STAC3: variants seen among roughly 807,000 people sequenced by gnomAD.
The protein encoded by STAC3 is SH3 and cysteine rich domain 3.
A neutral mutation model predicts 48.5 loss-of-function variants in STAC3; 30 were observed. The observed-to-expected ratio is 0.62, with a 90% CI of 0.46 to 0.84. STAC3 has a LOEUF of 0.84. Among genes scored for constraint, STAC3 ranks in the 40% least tolerant of loss-of-function variants. STAC3 has a pLI of 0.00. For missense variants in STAC3, 419 were observed against 462.6 expected, an observed-to-expected ratio of 0.91 and a Z score of 0.86; for synonymous variants, 144 against 158.6, an observed-to-expected ratio of 0.91 and a Z score of 0.69.
chr12:57,248,851 C>T (rs1490537314), intron 3 of STAC3, 48 bp from the exon 4 acceptor site: 4 of 1,556,586 alleles, frequency 2.6e-6, no homozygotes, highest in South Asian at 1.1e-5. Context: ...ATTGCCCTTT[C>T]CCTTTGTACC....
At position 57,246,860 on chromosome 12, in the gene STAC3, T is replaced by A; in HGVS notation, c.547A>T (p.Thr183Ser). 7 of 1,613,940 alleles carry A rather than the reference T, an allele frequency of 4.3e-6. No homozygotes were observed. The highest frequency in any genetic ancestry group is 5.9e-6 in the Non-Finnish European group (7 of 1,179,900). The change falls in exon 6 of 12, where the codon ACT (threonine) becomes TCT (serine). Residue 183 changes from threonine to serine, a missense_variant. Thr to Ser is a moderately conservative substitution (Grantham distance 58). Transcript: ENST00000332782. ...RNDPVFETLR[T>S]GVIMANKERK... The stretch of plus-strand genomic sequence containing the variant: ...TCCTTGTTTGCCATGATCACCCCAG[T>A]GCGCAGGGTTTCAAACACAGGATCA...
chr12:57,250,883 A>T (rs2037887388), intron 1 of STAC3, 110 bp downstream of exon 1: 1 of 154,936 alleles, frequency 6.5e-6, no homozygotes, highest in Admixed American at 6.5e-5. Context: ...TACGCCTAAA[A>T]CCCAAAAGAC....
rs754269738 is a variant in STAC3, at chr12:57,244,189, T to C, written c.895A>G (p.Asn299Asp). 9.9e-6 allele frequency: 16 copies of C among 1,613,972 alleles called. No homozygotes were observed. The highest frequency in any genetic ancestry group is 2.7e-5 in the African/African-American group (2 of 74,896). ...IGEKVGFFPP[N>D]FIIRVRAGER... The stretch of plus-strand genomic sequence containing the variant: ...CCAGCCCGGACCCGAATGATGAAGT[T>C]TGGAGGGAAAAATCCGACCTTCTCC... Residue 299 changes from asparagine to aspartate, a missense_variant, in exon 11 of 12, where the codon AAC (asparagine) becomes GAC (aspartate). Transcript: ENST00000332782.
rs2037841991 is a variant in STAC3 at position 57,249,270 on chromosome 12, TGTAGAACCCTTCCTGA to T, written c.89_104del (p.Leu30GlnfsTer75). ...GGGGAAGTTCCATCTCCTTTGTCCC[TGTAGAACCCTTCCTGA>T]GTAACTGCTTTAGCCGCTGTAGCTG... is the stretch of plus-strand genomic sequence containing the variant. On this transcript the variant is annotated frameshift_variant, in exon 3 of 12. Transcript: ENST00000332782. LOFTEE classifies it high-confidence loss of function. The T allele has an allele frequency of 6.2e-7, 1 of 1,608,336 alleles. No individual in the cohort carries two copies. Among genetic ancestry groups the T allele is most frequent in the African/African-American group, 1.3e-5 (1 of 74,578 alleles).
At chr12:57,249,541 C>G in intron 2 of STAC3, 30 bp downstream of exon 2, 5 of 1,612,710 alleles carry the variant, frequency 3.1e-6, no homozygotes, top group Non-Finnish European at 4.2e-6. Context: ...CCCAGCCCCC[C>G]ACACCCAGTG....
rs769524804 is a variant in STAC3, at chr12:57,249,201, C to T, written c.174G>A (p.Gly58=). The change falls in exon 3 of 12, where the codon GGG becomes GGA. Residue 58 remains glycine, a synonymous_variant. Transcript: ENST00000332782. ...CTTCCTCATAGATGTAGTAGATGGG[C>T]CCACCCCCAGCTCCCACTGCCTCCC... ...ANGEAVGAGG[G]PIYYIYEEEE... The T allele has an allele frequency of 6.2e-7, 1 of 1,614,018 alleles. No individual in the cohort carries two copies. The highest frequency in any genetic ancestry group is 1.1e-5 in the South Asian group (1 of 91,076).
Position 57,245,222 on chromosome 12 carries a change from CA to C in STAC3, c.604-12del. 2 of 1,613,736 alleles carry C rather than the reference CA, an allele frequency of 1.2e-6. No homozygotes were observed. Among genetic ancestry groups the C allele is most frequent in the Non-Finnish European group, 8.5e-7 (1 of 1,179,802 alleles). ...CATGGCTGCTACAGGCTGGAGGGGG[CA>C]CCAGAGTTAGGGAGACGCTGTCTTG... On this transcript the variant is annotated splice_polypyrimidine_tract_variant and intron_variant, in intron 6 of 11. Transcript: ENST00000332782.
intron 10 of STAC3, 28 bp downstream of exon 10, chr12:57,244,287 C>CCA (rs780780111): frequency 2.4e-5 from 39 of 1,614,016 alleles, no homozygotes; most frequent in Non-Finnish European, 3.1e-5. Flanking sequence ...AACCCACACT[C>CCA]CACCCTAGCC....
intron 6 of STAC3, 28 bp from the exon 7 acceptor site, chr12:57,245,239 C>A (rs372549290): frequency 6.2e-7 from 1 of 1,609,974 alleles, no homozygotes; most frequent in Non-Finnish European, 8.5e-7. Context: ...GTTAGGGAGA[C>A]GCTGTCTTGG....
intron 2 of STAC3, 102 bp downstream of exon 2, chr12:57,249,469 C>G: frequency 6.5e-7 from 1 of 1,534,796 alleles, no homozygotes; most frequent in Non-Finnish European, 8.9e-7. Flanking sequence ...TGCTGGCCAG[C>G]AAAAAATGAG....
In STAC3 at chr12:57,244,933, T is replaced by G; in HGVS notation, c.703A>C (p.Lys235Gln). ...ATTCTTACCTTGTCATCAGGTGTCT[T>G]CTTCTCAGCCTTCTTATCCCCTTCA... Reference protein sequence around the residue: ...NPEGDKKAEKKTPDDKHKQPG... With the variant: ...NPEGDKKAEKQTPDDKHKQPG... The change falls in exon 8 of 12, where the codon AAG (lysine) becomes CAG (glutamine). Residue 235 changes from lysine to glutamine, a missense_variant. Coordinates refer to ENST00000332782, the MANE Select transcript of STAC3 (RefSeq NM_145064.3). 6.2e-7 allele frequency: 1 copy of G among 1,614,202 alleles called. No homozygotes were observed.
chr12:57,249,124 A>C lies in STAC3; in HGVS notation c.251T>G (p.Leu84Arg), dbSNP rs201754072. 146 of 1,613,444 alleles carry C rather than the reference A, an allele frequency of 9.0e-5. No individual in the cohort carries two copies. Among genetic ancestry groups the C allele is most frequent in the South Asian group, 7.7e-4 (70 of 91,014 alleles). ...EEEPPPEPPK[L>R]VNDKPHKFKD... ...GAATTTGTGGGGCTTATCGTTGACC[A>C]GCTTAGGAGGTTCTGGGGGTGGCTC... Residue 84 changes from leucine to arginine, a missense_variant, in exon 3 of 12, where the codon CTG becomes CGG. By Grantham distance (102) the Leu-to-Arg change is moderately radical (BLOSUM62 -2). Coordinates refer to ENST00000332782, the MANE Select transcript of STAC3 (RefSeq NM_145064.3).
In STAC3 at chr12:57,249,079, T is replaced by G. The variant is rs2037835758; in HGVS notation, c.296A>C (p.Lys99Thr). The part of the protein sequence containing the change: ...PHKFKDHFFK[K>T]PKFCDVCARM... ...GGCACAGACATCACAGAACTTTGGCTTCTTGAAGAAGTGATCTTTGAATTT... is the reference window on the plus strand; with the variant it reads ...GGCACAGACATCACAGAACTTTGGCGTCTTGAAGAAGTGATCTTTGAATTT... Residue 99 changes from lysine (K) to threonine (T), a missense_variant, in exon 3 of 12, where the codon AAG becomes ACG. Lys to Thr is a moderately conservative substitution (Grantham distance 78). Transcript: ENST00000332782. 2 of 1,608,978 alleles carry G rather than the reference T, an allele frequency of 1.2e-6. No individual in the cohort carries two copies. Among genetic ancestry groups the G allele is most frequent in the African/African-American group, 2.7e-5 (2 of 74,888 alleles).
rs1369097187 is a variant in STAC3 at position 57,243,791 on chromosome 12, C to A, written c.*21G>T. 6.2e-7 allele frequency: 1 copy of A among 1,610,790 alleles called. No homozygotes were observed. The highest frequency in any genetic ancestry group is 1.7e-5 in the Admixed American group (1 of 59,940). On this transcript the variant is annotated 3_prime_UTR_variant, in exon 12 of 12. Transcript: ENST00000332782. ...CCCAGAATGGGGTGTGGGTGTCTCC[C>A]GCTTGCAGGCGCCCGCACGCCTAAA...
Position 57,249,117 on chromosome 12 carries a change from G to A in STAC3, c.258C>T (p.Asn86=), listed in dbSNP as rs148939626. 152 of 1,613,420 alleles carry A rather than the reference G, an allele frequency of 9.4e-5. No homozygotes were observed. The highest frequency in any genetic ancestry group is 1.1e-4 in the Non-Finnish European group (131 of 1,179,776). The part of the protein sequence containing the change: ...EPPPEPPKLV[N]DKPHKFKDHF... ...GATCTTTGAATTTGTGGGGCTTATC[G>A]TTGACCAGCTTAGGAGGTTCTGGGG... The change falls in exon 3 of 12, where the codon AAC becomes AAT. Residue 86 remains asparagine (N), a synonymous_variant. Transcript: ENST00000332782.
Position 57,251,009 on chromosome 12 carries a change from G to GT in STAC3, c.-19dup, listed in dbSNP as rs1415074012. Reference sequence around the variant, plus strand: ...GTAACTTACGTTCGGGATTCCCTAAGTCAGTCCACAGGCTGTAGAGGGAGC... The same window carrying GT: ...GTAACTTACGTTCGGGATTCCCTAAGTTCAGTCCACAGGCTGTAGAGGGAGC... On this transcript the variant is annotated 5_prime_UTR_variant, in exon 1 of 12. Coordinates refer to ENST00000332782, the MANE Select transcript of STAC3 (RefSeq NM_145064.3). 43 of 353,710 alleles carry GT rather than the reference G, an allele frequency of 1.2e-4. No homozygotes were observed. The highest frequency in any genetic ancestry group is 8.4e-4 in the South Asian group (40 of 47,406). The allele number at this position is 353,710 out of a possible 1,614,324, so 21.9% of individuals were successfully genotyped here.
intron 1 of STAC3, among the ~76,000 whole-genome samples, chr12:57,250,652 C>T (rs1405745110): frequency 6.6e-6 from 1 of 152,138 alleles, no homozygotes; most frequent in Non-Finnish European, 1.5e-5. Flanking sequence ...CGTGTGCACA[C>T]AAGGAAGGAT....
chr12:57,246,306 T>C (rs535333952), intron 6 of STAC3, among the ~76,000 whole-genome samples: 93 of 152,176 alleles, frequency 6.1e-4, no homozygotes, highest in Middle Eastern at 6.8e-3. Flanking sequence ...AGATTTCTAG[T>C]TGTTTTTTGC....
rs772998691 is a variant in STAC3 at position 57,244,937 on chromosome 12, C to T, written c.699G>A (p.Glu233=). Residue 233 remains glutamate, a synonymous_variant, in exon 8 of 12, where the codon GAG becomes GAA. Transcript: ENST00000332782. ...DGNPEGDKKA[E]KKTPDDKHKQ... ...TTACCTTGTCATCAGGTGTCTTCTT[C>T]TCAGCCTTCTTATCCCCTTCAGGGT... 2 of 1,614,182 alleles carry T rather than the reference C, an allele frequency of 1.2e-6. No homozygotes were observed. Among genetic ancestry groups the T allele is most frequent in the East Asian group, 4.5e-5 (2 of 44,888 alleles).
Sources: gnomAD v4.1 joint callset for allele counts (sites outside exome capture counted in the v4.1 genomes callset) on GRCh38, gnomAD v4.1.1 for gene constraint, MANE v1.5 for transcripts, NCBI Gene and HGNC (gene_info 2026-07-23, HGNC 2026-07-21) for gene names.